Variants in CNTNAP3B observed in about 807,000 individuals in gnomAD.
CNTNAP3B encodes contactin-associated protein-like 3B.
CNTNAP3B carries 25 observed loss-of-function variants against 108.9 expected under a neutral mutation model. The observed-to-expected ratio is 0.23, with a 90% CI of 0.17 to 0.32. The LOEUF is 0.32. CNTNAP3B is among the 10% of genes least tolerant of loss of function. The pLI, the probability that CNTNAP3B is intolerant of heterozygous loss-of-function variation, is 1.00. For missense variants in CNTNAP3B, 252 were observed against 1,210.4 expected, an observed-to-expected ratio of 0.21 and a Z score of 11.75; for synonymous variants, 103 against 473.4, an observed-to-expected ratio of 0.22 and a Z score of 10.16.
intron 9 of CNTNAP3B, among the ~76,000 whole-genome samples, chr9:41,977,952 C>T (rs757376958): frequency 7.7e-6 from 1 of 129,160 alleles, no homozygotes; most frequent in African/African-American, 2.9e-5. Context: ...TCATATTGTG[C>T]TGTCTCCAAC....
intron 12 of CNTNAP3B, among the ~76,000 whole-genome samples, chr9:41,956,235 A>C (rs1367719510): frequency 2.6e-5 from 4 of 151,810 alleles, no homozygotes; most frequent in Non-Finnish European, 5.9e-5. Flanking sequence ...AAATACAAAA[A>C]ATTAGCCGGG....
chr9:41,913,672 C>A (rs1160637210), intron 18 of CNTNAP3B, among the ~76,000 whole-genome samples: 36 of 139,032 alleles, frequency 2.6e-4, no homozygotes, highest in Non-Finnish European at 4.3e-4. Context: ...CAATAACTCT[C>A]CATTGCCCCC....
intron 10 of CNTNAP3B, among the ~76,000 whole-genome samples, chr9:41,964,918 G>A (rs1271823486): frequency 7.2e-5 from 11 of 152,250 alleles, no homozygotes; most frequent in African/African-American, 2.7e-4. Context: ...AACTTGACAT[G>A]TGGCTAGCAA....
chr9:42,109,411 A>G (rs1828144600), intron 1 of CNTNAP3B, among the ~76,000 whole-genome samples: 1 of 146,786 alleles, frequency 6.8e-6, no homozygotes, highest in Non-Finnish European at 1.5e-5. Flanking sequence ...TCAAACAGCA[A>G]TTCATTATTC....
chr9:41,953,005 G>T (rs1166959042), intron 13 of CNTNAP3B, among the ~76,000 whole-genome samples, 178 bp downstream of exon 13: 1 of 152,278 alleles, frequency 6.6e-6, no homozygotes, highest in Non-Finnish European at 1.5e-5. Context: ...GGTCAGGAAG[G>T]CGCTCTTGAA....
rs553570336 is a variant in CNTNAP3B, at chr9:42,098,810, T to G, written c.196+5819A>C. On this transcript the variant is annotated intron_variant, in intron 2 of 23. Transcript: ENST00000377561. ...TCTATTGAGTTGAGATAATTATTTG[T>G]GCTAATAATAGAAAGAAAGTGTGTA... 5.2e-3 allele frequency among the ~76,000 whole-genome samples: 674 copies of G among 130,482 alleles called. 107 individuals are homozygous for G. Among genetic ancestry groups the G allele is most frequent in the African/African-American group, 0.02 (634 of 32,224 alleles). 85.6% of individuals were successfully genotyped at this position (130,482 alleles called of 152,430 possible). A position where few individuals can be genotyped will look rare whatever the true frequency, so the allele number is the denominator to read the frequency against.
intron 1 of CNTNAP3B, among the ~76,000 whole-genome samples, chr9:42,109,012 A>T (rs1221902235): frequency 7.2e-5 from 10 of 139,726 alleles, no homozygotes. Context: ...ATATGAAATG[A>T]TTAAAAAATC....
chr9:41,929,726 G>A (rs1482846670), intron 14 of CNTNAP3B, among the ~76,000 whole-genome samples: 1 of 133,750 alleles, frequency 7.5e-6, no homozygotes, highest in African/African-American at 3.0e-5. Flanking sequence ...ACACAGGCAT[G>A]GCTGGGTTGC....
intron 10 of CNTNAP3B, among the ~76,000 whole-genome samples, chr9:41,967,484 T>A (rs1311511179): frequency 1.3e-5 from 2 of 152,208 alleles, no homozygotes; most frequent in Admixed American, 6.5e-5. Context: ...AATTACCCAG[T>A]CTTGGGTATA....
At chr9:41,936,251 T>C (rs973101490) in intron 14 of CNTNAP3B, among the ~76,000 whole-genome samples, 2 of 151,906 alleles carry the variant, frequency 1.3e-5, no homozygotes, top group Non-Finnish European at 3.0e-5. Context: ...CATTCCAGCC[T>C]GGGCGACAGA....
In CNTNAP3B at chr9:42,080,791, A is replaced by T. The variant is rs573763699; in HGVS notation, c.197-3729T>A. 8.1e-4 allele frequency among the ~76,000 whole-genome samples: 81 copies of T among 99,548 alleles called. 15 individuals carry two copies. Among genetic ancestry groups the T allele is most frequent in the African/African-American group, 3.2e-3 (77 of 24,352 alleles). The allele number at this position is 99,548 out of a possible 152,430, so 65.3% of individuals were successfully genotyped here. ...TACAGCACTTTGTAACTAAATTATTATTCAAATGTGATGTTATACTCAATT... is the reference window on the plus strand; with the variant it reads ...TACAGCACTTTGTAACTAAATTATTTTTCAAATGTGATGTTATACTCAATT... On this transcript the variant is annotated intron_variant, in intron 2 of 23. Transcript: ENST00000377561.
At chr9:42,010,432 G>A (rs1210138661) in intron 4 of CNTNAP3B, among the ~76,000 whole-genome samples, 1 of 144,066 alleles carries the variant, frequency 6.9e-6, no homozygotes, top group Admixed American at 6.8e-5. Context: ...TGGACATGGA[G>A]GGCAAGAGAG....
chr9:42,021,990 CTAGTTTA>C (rs1826318317), intron 3 of CNTNAP3B, among the ~76,000 whole-genome samples: 1 of 115,820 alleles, frequency 8.6e-6, no homozygotes, highest in Non-Finnish European at 1.8e-5. Context: ...TGAGAGACAT[CTAGTTTA>C]TAGTTTAAAT....
chr9:42,034,140 T>C (rs1345765736), intron 3 of CNTNAP3B, among the ~76,000 whole-genome samples: 1 of 113,408 alleles, frequency 8.8e-6, no homozygotes, highest in African/African-American at 3.6e-5. Context: ...TATCTTTCTA[T>C]GTGTACATAA....
chr9:41,977,785 AATTT>A (rs1587169331), intron 9 of CNTNAP3B, among the ~76,000 whole-genome samples: 1 of 13,528 alleles, frequency 7.4e-5, no homozygotes, highest in Non-Finnish European at 1.7e-4. Context: ...ATGCCCAGCT[AATTT>A]TTTTTTTTTT....
chr9:41,962,564 A>T (rs1206962879), intron 11 of CNTNAP3B, among the ~76,000 whole-genome samples: 1 of 145,950 alleles, frequency 6.9e-6, no homozygotes, highest in Non-Finnish European at 1.5e-5. Context: ...TGGAGGATGA[A>T]AGATACACAG....
At chr9:42,089,359 G>T (rs1827770874) in intron 2 of CNTNAP3B, among the ~76,000 whole-genome samples, 5 of 118,556 alleles carry the variant, frequency 4.2e-5, no homozygotes, top group African/African-American at 3.4e-5. Context: ...CTATCCTCTA[G>T]ATTCCTCATA....
At chr9:42,034,178 G>A (rs1037661763) in intron 3 of CNTNAP3B, among the ~76,000 whole-genome samples, 1 of 64,464 alleles carries the variant, frequency 1.6e-5, no homozygotes, top group Non-Finnish European at 3.5e-5. Context: ...ATGTATGTAT[G>A]TATATATGTA....
At chr9:41,935,685 C>A (rs1204023786) in intron 14 of CNTNAP3B, among the ~76,000 whole-genome samples, 1 of 152,256 alleles carries the variant, frequency 6.6e-6, no homozygotes. Context: ...TGCTTGTGGT[C>A]TTACTGTTGG....
Sources: allele counts gnomAD v4.1 joint callset (sites outside exome capture counted in the v4.1 genomes callset), GRCh38; gene constraint gnomAD v4.1.1; transcripts MANE v1.5; gene names NCBI Gene and HGNC (gene_info 2026-07-23, HGNC 2026-07-21).